Variants in JAKMIP3 observed in about 807,000 individuals in gnomAD.
The protein encoded by JAKMIP3 is janus kinase and microtubule-interacting protein 3.
Under a neutral mutation model 118.5 loss-of-function variants are expected in JAKMIP3, and 58 were observed. The ratio of observed to expected loss-of-function variants is 0.49; its 90% CI spans 0.40 to 0.61. JAKMIP3 has a LOEUF of 0.61. Ranked by LOEUF, JAKMIP3 falls within the 20% of genes least tolerant of loss-of-function variation. JAKMIP3 has a pLI of 0.00. For synonymous variants in JAKMIP3, 486 were observed against 451.2 expected (o/e 1.08, Z -0.98); for missense variants, 950 against 1,109.0 (o/e 0.86, Z 2.04).
chr10:132,153,665 A>G lies in JAKMIP3; in HGVS notation c.2074-94A>G. 5.0e-6 allele frequency: 6 copies of G among 1,201,298 alleles called. 1 individual carries two copies. 74.4% of individuals were successfully genotyped at this position (1,201,298 alleles called of 1,614,324 possible). ...CTCCCTAAGGAGAAGAGGAAGGAAG[A>G]CCCAGGCTGTCCTGGCTTTTCTCCC... On this transcript the variant is annotated intron_variant, in intron 17 of 23. Coordinates refer to ENST00000684848, the MANE Select transcript of JAKMIP3 (RefSeq NM_001323087.2).
intron 3 of JAKMIP3, among the ~76,000 whole-genome samples, chr10:132,124,335 G>A (rs1341804955): frequency 3.3e-5 from 5 of 150,512 alleles, no homozygotes; most frequent in African/African-American, 7.3e-5. Context: ...CGCCATACAC[G>A]TCCATTGCCA....
At chr10:132,102,447 G>T (rs1415492834) in intron 1 of JAKMIP3, among the ~76,000 whole-genome samples, 1 of 152,080 alleles carries the variant, frequency 6.6e-6, no homozygotes, top group Non-Finnish European at 1.5e-5. Flanking sequence ...TTTGCCATCT[G>T]CCCGAGCCTG....
intron 19 of JAKMIP3, among the ~76,000 whole-genome samples, chr10:132,154,845 CGGTGGTGGT>C (rs142442795): frequency 9.5e-6 from 1 of 104,960 alleles, no homozygotes; most frequent in Non-Finnish European, 2.0e-5. Context: ...ATGGTGGTGG[CGGTGGTGGT>C]GGTGATGGTG....
At chr10:132,162,537 G>A (rs2058460061) in intron 19 of JAKMIP3, among the ~76,000 whole-genome samples, 1 of 152,218 alleles carries the variant, frequency 6.6e-6, no homozygotes, top group Non-Finnish European at 1.5e-5. Flanking sequence ...TTATTTTGTG[G>A]CCGCCAAGAA....
chr10:132,077,293 C>T (rs758826548), intron 1 of JAKMIP3, among the ~76,000 whole-genome samples: 1 of 152,146 alleles, frequency 6.6e-6, no homozygotes, highest in Non-Finnish European at 1.5e-5. Context: ...GGGTTCTGGG[C>T]AGGGGGTGTC....
At chr10:132,134,233 G>C (rs1272547998) in intron 4 of JAKMIP3, among the ~76,000 whole-genome samples, 1 of 152,226 alleles carries the variant, frequency 6.6e-6, no homozygotes, top group Non-Finnish European at 1.5e-5. Context: ...TGCACCTGTT[G>C]AATGAGGAAC....
Position 132,145,336 on chromosome 10 carries a change from C to T in JAKMIP3, c.1686+146C>T. 3.3e-6 allele frequency: 3 copies of T among 899,540 alleles called. No individual in the cohort carries two copies. In the South Asian group the frequency reaches 5.0e-5, roughly 15 times the overall value. 55.7% of individuals were successfully genotyped at this position (899,540 alleles called of 1,614,324 possible). ...TCAAGCCATCCTCCCACCTCAGCCT[C>T]CTGAGTAGCTGGGACCACAGGCATG... On this transcript the variant is annotated intron_variant, in intron 12 of 23. Transcript: ENST00000684848.
chr10:132,063,973 A>G (rs1246085267), upstream of JAKMIP3, among the ~76,000 whole-genome samples: 1 of 152,188 alleles, frequency 6.6e-6, no homozygotes, highest in Non-Finnish European at 1.5e-5. Context: ...ACACTTTTTT[A>G]AACAGAAATG....
chr10:132,058,926 T>TCATCCTTCGC (rs936048676), intron 1 of JAKMIP3, among the ~76,000 whole-genome samples: 1 of 152,246 alleles, frequency 6.6e-6, no homozygotes, highest in Non-Finnish European at 1.5e-5. Context: ...GGCTCCTTGG[T>TCATCCTTCGC]CATCCTTCGC....
chr10:132,164,974 TG>T (rs1204445532), intron 21 of JAKMIP3, among the ~76,000 whole-genome samples: 3 of 152,204 alleles, frequency 2.0e-5, no homozygotes, highest in Non-Finnish European at 4.4e-5. Context: ...GGTCTAGGAA[TG>T]CCCCTGCCAG....
At chr10:132,061,418 A>G (rs1422674619), upstream of JAKMIP3, among the ~76,000 whole-genome samples, 5 of 152,278 alleles carry the variant, frequency 3.3e-5, no homozygotes, top group African/African-American at 4.8e-5. Context: ...GAACTAGCCT[A>G]CGTTCACAGG....
Position 132,039,446 on chromosome 10 carries a change from C to T in JAKMIP3, c.-138+2708C>T, listed in dbSNP as rs555052015. ...GAACAGTCTCAGTCAGGCCACCCAC[C>T]GTTTCCCAGTAAGGCCAAGGGCTAG... On this transcript the variant is annotated intron_variant, in intron 1 of 23. Coordinates refer to the JAKMIP3 transcript ENST00000657785. Among the ~76,000 whole-genome samples the T allele has an allele frequency of 3.3e-5, 5 of 151,874 alleles. No homozygotes were observed. In the South Asian group the frequency reaches 1.0e-3, roughly 32 times the overall value.
intron 1 of JAKMIP3, among the ~76,000 whole-genome samples, chr10:132,097,887 TCC>T: frequency 8.8e-6 from 1 of 113,934 alleles, no homozygotes; most frequent in African/African-American, 3.3e-5. Flanking sequence ...TTTATTTTCT[TCC>T]CTTCCCCTTC....
intron 1 of JAKMIP3, among the ~76,000 whole-genome samples, chr10:132,080,718 C>G (rs1301188523): frequency 1.3e-5 from 2 of 151,482 alleles, no homozygotes; most frequent in Admixed American, 6.6e-5. Context: ...CAAGGTTTCA[C>G]CATGTTGACC....
intron 1 of JAKMIP3, among the ~76,000 whole-genome samples, chr10:132,054,095 G>A (rs2038170186): frequency 6.6e-6 from 1 of 151,576 alleles, no homozygotes; most frequent in Non-Finnish European, 1.5e-5. Context: ...TGAACATGGG[G>A]CTACCACGTC....
Position 132,113,746 on chromosome 10 carries a change from G to A in JAKMIP3, c.136-3331G>A, listed in dbSNP as rs1301752261. On this transcript the variant is annotated intron_variant, in intron 2 of 23. Coordinates refer to ENST00000684848, the MANE Select transcript of JAKMIP3 (RefSeq NM_001323087.2). ...TTGTTTTACCTTTCAATTTTATATC[G>A]GAAACCTACCAGGGATTGATTTTGG... Among the ~76,000 whole-genome samples, 7 of 152,048 alleles carry A rather than the reference G, an allele frequency of 4.6e-5. No individual in the cohort carries two copies. The East Asian group carries it at 5.8e-4, about 13-fold the overall frequency.
chr10:132,165,795 C>T (rs2058838173), intron 21 of JAKMIP3, among the ~76,000 whole-genome samples: 1 of 152,238 alleles, frequency 6.6e-6, no homozygotes, highest in Non-Finnish European at 1.5e-5. Flanking sequence ...CTCACTGCCG[C>T]CTGTGAGAAT....
chr10:132,139,052 G>T (rs1589915820), intron 9 of JAKMIP3, among the ~76,000 whole-genome samples: 1 of 115,796 alleles, frequency 8.6e-6, no homozygotes, highest in Non-Finnish European at 1.7e-5. Flanking sequence ...TATGTTGAGT[G>T]TGTGTGTGTG....
At chr10:132,125,470 ACT>A (rs1366315378) in intron 3 of JAKMIP3, among the ~76,000 whole-genome samples, 6 of 152,360 alleles carry the variant, frequency 3.9e-5, no homozygotes, top group African/African-American at 1.4e-4. Flanking sequence ...TAGTTCCGAC[ACT>A]CTAAAGCACA....
Sources: gnomAD v4.1 joint callset for allele counts (sites outside exome capture counted in the v4.1 genomes callset) on GRCh38, gnomAD v4.1.1 for gene constraint, MANE v1.5 for transcripts, NCBI Gene and HGNC (gene_info 2026-07-23, HGNC 2026-07-21) for gene names.